The following PHACTR2 variants were observed in gnomAD, a reference collection of about 807,000 sequenced individuals.
The protein encoded by PHACTR2 is phosphatase and actin regulator 2.
PHACTR2 carries 30 observed loss-of-function variants against 76.0 expected under a neutral mutation model. The observed-to-expected ratio is 0.39, with a 90% CI of 0.30 to 0.54. The LOEUF is 0.54. Among genes scored for constraint, PHACTR2 ranks in the 20% least tolerant of loss-of-function variants. The pLI is 0.61. For synonymous variants in PHACTR2, 292 were observed against 292.5 expected, an observed-to-expected ratio of 1.00 and a Z score of 0.02; for missense variants, 696 against 781.1, an observed-to-expected ratio of 0.89 and a Z score of 1.30.
chr6:143,790,062 C>CAGTG, intron 11 of PHACTR2, among the ~76,000 whole-genome samples: 1 of 152,194 alleles, frequency 6.6e-6, no homozygotes, highest in African/African-American at 2.4e-5. Context: ...CACATGTGTG[C>CAGTG]AGTGACATGG....
At position 143,761,436 on chromosome 6, in the gene PHACTR2, T is replaced by C. The variant is rs556895354; in HGVS notation, c.694+796T>C. On this transcript the variant is annotated intron_variant, in intron 5 of 12. Coordinates refer to ENST00000440869, the MANE Select transcript of PHACTR2 (RefSeq NM_001100164.2). The surrounding 1 kb of genome is among the most constrained non-coding windows in gnomAD (Gnocchi z 5.2). Reference sequence around the variant, plus strand: ...TTTAGTGAAGAGGAAGAAAGATGCCTACCATGTCATTTATCTTTTAAAAGG... The same window carrying C: ...TTTAGTGAAGAGGAAGAAAGATGCCCACCATGTCATTTATCTTTTAAAAGG... Among the ~76,000 whole-genome samples the C allele has an allele frequency of 1.3e-5, 2 of 152,284 alleles. No individual in the cohort carries two copies. Among genetic ancestry groups the C allele is most frequent in the Non-Finnish European group, 1.5e-5 (1 of 68,014 alleles).
rs888940703 is a variant in PHACTR2 at position 143,617,875 on chromosome 6, C to T, written c.13+9553C>T. ...TAGACTGGATCAAAGAAGGTGGTTACGGAGAGACTTAGTCACCTACTTCCT... is the reference window on the plus strand; with the variant it reads ...TAGACTGGATCAAAGAAGGTGGTTATGGAGAGACTTAGTCACCTACTTCCT... On this transcript the variant is annotated intron_variant, in intron 1 of 11. Transcript: ENST00000305766. The surrounding 1 kb of genome is among the most constrained non-coding windows in gnomAD (Gnocchi z 4.8). 5.3e-5 allele frequency among the ~76,000 whole-genome samples: 8 copies of T among 152,192 alleles called. No homozygotes were observed. Among genetic ancestry groups the T allele is most frequent in the African/African-American group, 1.7e-4 (7 of 41,434 alleles).
intron 1 of PHACTR2, among the ~76,000 whole-genome samples, chr6:143,584,283 A>G (rs1029956555): frequency 1.3e-5 from 2 of 152,210 alleles, no homozygotes; most frequent in East Asian, 3.8e-4. Context: ...ATATGAACAG[A>G]GATCAATGGA....
At chr6:143,711,071 G>A (rs1214786799) in intron 1 of PHACTR2, 1 of 516,858 alleles carries the variant, frequency 1.9e-6, no homozygotes, top group Non-Finnish European at 3.9e-6. Flanking sequence ...GCAAAAAATT[G>A]TAAATACCAT....
At chr6:143,798,006 G>A (rs554901205) in intron 11 of PHACTR2, among the ~76,000 whole-genome samples, 2 of 152,238 alleles carry the variant, frequency 1.3e-5, no homozygotes, top group Admixed American at 6.5e-5. Flanking sequence ...CCATTTTCAC[G>A]ATATTGATTC....
chr6:143,547,811 G>A lies in PHACTR2; in HGVS notation c.217+10604G>A, dbSNP rs373361768. Among the ~76,000 whole-genome samples the A allele has an allele frequency of 1.8e-4, 28 of 152,254 alleles. 1 individual carries two copies. In the South Asian group the frequency reaches 5.8e-3, roughly 32 times the overall value. On this transcript the variant is annotated intron_variant, in intron 1 of 11. Transcript: ENST00000367584. This position sits in a 1 kb window ranked among gnomAD's most constrained non-coding sequence, Gnocchi z 4.2. ...GATACATTGGTTGTGATCAAGGAGG[G>A]CACTCTCTTTTTGTTTCCAGGGATT...
In PHACTR2 at chr6:143,660,472, C is replaced by T. The variant is rs1776929649; in HGVS notation, c.14-51544C>T. Among the ~76,000 whole-genome samples the T allele has an allele frequency of 2.0e-5, 3 of 152,252 alleles. No individual in the cohort carries two copies. In the South Asian group the frequency reaches 6.2e-4, roughly 32 times the overall value. On this transcript the variant is annotated intron_variant, in intron 1 of 11. Coordinates refer to the PHACTR2 transcript ENST00000305766. ...AGACTCCCCCATGATTCAATTGCCTCCCACCAGGTCCCTCCCACAACATAC... is the reference window on the plus strand; with the variant it reads ...AGACTCCCCCATGATTCAATTGCCTTCCACCAGGTCCCTCCCACAACATAC...
chr6:143,598,936 A>G lies in PHACTR2; in HGVS notation c.217+61729A>G, dbSNP rs1775782164. On this transcript the variant is annotated intron_variant, in intron 1 of 11. Transcript: ENST00000367584. This position sits in a 1 kb window ranked among gnomAD's most constrained non-coding sequence, Gnocchi z 4.1. ...CCAGGTTTAGTGGCGTGAATAGTAA[A>G]CATAGTAGATTAGTCCTTTGTAATT... Among the ~76,000 whole-genome samples the G allele has an allele frequency of 6.6e-6, 1 of 152,200 alleles. No homozygotes were observed. The highest frequency in any genetic ancestry group is 2.1e-4 in the South Asian group (1 of 4,836).
intron 1 of PHACTR2, among the ~76,000 whole-genome samples, chr6:143,690,766 A>C (rs149249731): frequency 1.7e-3 from 261 of 152,310 alleles, no homozygotes; most frequent in African/African-American, 5.9e-3. Flanking sequence ...AAAATATTTT[A>C]TGGACGTTTA....
At chr6:143,676,430 G>T (rs968261943), upstream of PHACTR2, among the ~76,000 whole-genome samples, 5 of 152,158 alleles carry the variant, frequency 3.3e-5, no homozygotes, top group African/African-American at 1.2e-4. This position sits in a 1 kb window ranked among gnomAD's most constrained non-coding sequence, Gnocchi z 4.8. Flanking sequence ...TACATATTTT[G>T]AATGTGCAAA....
At chr6:143,634,036 T>A (rs1284817281) in intron 1 of PHACTR2, among the ~76,000 whole-genome samples, 1 of 152,242 alleles carries the variant, frequency 6.6e-6, no homozygotes, top group East Asian at 1.9e-4. Flanking sequence ...CCTACTGACA[T>A]CATTTTTACT....
chr6:143,644,893 T>C (rs1562257691), intron 1 of PHACTR2, among the ~76,000 whole-genome samples: 1 of 152,174 alleles, frequency 6.6e-6, no homozygotes, highest in Non-Finnish European at 1.5e-5. Context: ...AGTTCTTTAG[T>C]GGTGATTTGT....
In PHACTR2 at chr6:143,627,795, G is replaced by A. The variant is rs974192432; in HGVS notation, c.13+19473G>A. ...TTTTTGTATTTTTAGTAGAGATGGA[G>A]TTTCACTATGTTAGCCAGGTTGGTC... On this transcript the variant is annotated intron_variant, in intron 1 of 11. Transcript: ENST00000305766. This position sits in a 1 kb window ranked among gnomAD's most constrained non-coding sequence, Gnocchi z 4.3. 6.6e-6 allele frequency among the ~76,000 whole-genome samples: 1 copy of A among 151,988 alleles called. No individual in the cohort carries two copies.
chr6:143,715,518 G>A (rs1008591808), intron 2 of PHACTR2, among the ~76,000 whole-genome samples: 1 of 152,166 alleles, frequency 6.6e-6, no homozygotes, highest in African/African-American at 2.4e-5. Flanking sequence ...CCATTCATAT[G>A]GTCTAAATGT....
chr6:143,542,890 A>C (rs1781184169), intron 1 of PHACTR2, among the ~76,000 whole-genome samples: 1 of 152,248 alleles, frequency 6.6e-6, no homozygotes, highest in South Asian at 2.1e-4. Flanking sequence ...ATGAAGTCAC[A>C]GTGCCAACAT....
chr6:143,587,091 T>C (rs1305696518), intron 1 of PHACTR2, among the ~76,000 whole-genome samples: 2 of 152,212 alleles, frequency 1.3e-5, no homozygotes, highest in African/African-American at 2.4e-5. Flanking sequence ...TCACTACCAG[T>C]GTTCATTTAA....
chr6:143,775,064 G>A lies in PHACTR2; in HGVS notation c.1589+849G>A, dbSNP rs1037490833. Among the ~76,000 whole-genome samples the A allele has an allele frequency of 6.6e-6, 1 of 152,196 alleles. No homozygotes were observed. Among genetic ancestry groups the A allele is most frequent in the African/African-American group, 2.4e-5 (1 of 41,440 alleles). On this transcript the variant is annotated intron_variant, in intron 8 of 12. Coordinates refer to ENST00000440869, the MANE Select transcript of PHACTR2 (RefSeq NM_001100164.2). The surrounding 1 kb of genome is among the most constrained non-coding windows in gnomAD (Gnocchi z 4.4). ...ATCCCAGAGCAGGATTTGGAGGTGG[G>A]GGGAAAATTGCTGTCCTTGCTTGGA... is the stretch of plus-strand genomic sequence containing the variant.
At position 143,596,845 on chromosome 6, in the gene PHACTR2, AT is replaced by A. The variant is rs1446992569; in HGVS notation, c.217+59639del. Among the ~76,000 whole-genome samples, 2 of 152,110 alleles carry A rather than the reference AT, an allele frequency of 1.3e-5. No homozygotes were observed. The highest frequency in any genetic ancestry group is 4.8e-5 in the African/African-American group (2 of 41,408). ...AGAGTGAGACCTCATCTCAAAAAAA[AT>A]AAAAATAAAAATAAAAAGAATCATG... On this transcript the variant is annotated intron_variant, in intron 1 of 11. Coordinates refer to the PHACTR2 transcript ENST00000367584. The surrounding 1 kb of genome is among the most constrained non-coding windows in gnomAD (Gnocchi z 4.6).
At position 143,624,984 on chromosome 6, in the gene PHACTR2, C is replaced by T. The variant is rs1465349207; in HGVS notation, c.13+16662C>T. Among the ~76,000 whole-genome samples the T allele has an allele frequency of 6.6e-6, 1 of 151,942 alleles. No homozygotes were observed. The highest frequency in any genetic ancestry group is 1.9e-4 in the East Asian group (1 of 5,184). ...CAGCCTGGTCAACATGGTGAAAACC[C>T]GTATCTACTGAAAATAGAAAAATTA... On this transcript the variant is annotated intron_variant, in intron 1 of 11. Coordinates refer to the PHACTR2 transcript ENST00000305766. This position sits in a 1 kb window ranked among gnomAD's most constrained non-coding sequence, Gnocchi z 4.6.
Sources: allele counts gnomAD v4.1 joint callset (sites outside exome capture counted in the v4.1 genomes callset), GRCh38; gene constraint gnomAD v4.1.1; non-coding constraint Gnocchi (gnomAD v3.1); transcripts MANE v1.5; gene names NCBI Gene and HGNC (gene_info 2026-07-23, HGNC 2026-07-21).